Variants in SLC44A1 observed in about 807,000 individuals in gnomAD.
SLC44A1 encodes solute carrier family 44 member 1.
Under a neutral mutation model 79.3 loss-of-function variants are expected in SLC44A1, and 26 were observed. That is an observed-to-expected ratio of 0.33 (90% CI 0.24 to 0.46). The LOEUF (loss-of-function observed/expected upper bound fraction) is 0.46. Ranked by LOEUF, SLC44A1 falls within the 20% of genes least tolerant of loss-of-function variation. SLC44A1 has a pLI of 1.00. For missense variants in SLC44A1, 688 were observed against 798.1 expected, an observed-to-expected ratio of 0.86 and a Z score of 1.66; for synonymous variants, 263 against 286.2, an observed-to-expected ratio of 0.92 and a Z score of 0.82.
chr9:105,392,991 G>C lies in SLC44A1; in HGVS notation c.*3935G>C. 1.0e-6 allele frequency: 1 copy of C among 984,842 alleles called. No homozygotes were observed. Among genetic ancestry groups the C allele is most frequent in the Non-Finnish European group, 1.2e-6 (1 of 829,508 alleles). 61.0% of individuals were successfully genotyped at this position (984,842 alleles called of 1,614,324 possible). A position where few individuals can be genotyped will look rare whatever the true frequency, so the allele number is the denominator to read the frequency against. On this transcript the variant is annotated 3_prime_UTR_variant, in exon 16 of 16. Transcript: ENST00000374720. ...ACAACAACAACAAATAAAACTCTCAGAGTCTGGAGGCTTATCAGTGCACCT... is the reference window on the plus strand; with the variant it reads ...ACAACAACAACAAATAAAACTCTCACAGTCTGGAGGCTTATCAGTGCACCT...
chr9:105,258,372 C>A lies in SLC44A1; in HGVS notation c.36+13468C>A, dbSNP rs75849969. Among the ~76,000 whole-genome samples the A allele has an allele frequency of 1.5e-3, 236 of 152,310 alleles. 1 individual carries two copies. The highest frequency in any genetic ancestry group is 0.011 in the Admixed American group (168 of 15,298). On this transcript the variant is annotated intron_variant, in intron 1 of 15. Transcript: ENST00000374720. The stretch of plus-strand genomic sequence containing the variant: ...AGAATATAGAGAACACCAGTCATTG[C>A]TGGGGATTTACTGTGTGGTAGCCTC...
At chr9:105,366,857 C>T (rs1187129757) in intron 12 of SLC44A1, among the ~76,000 whole-genome samples, 1 of 151,826 alleles carries the variant, frequency 6.6e-6, no homozygotes. Flanking sequence ...TTGAAAACTT[C>T]AGTGTAAAGC....
intron 5 of SLC44A1, among the ~76,000 whole-genome samples, chr9:105,354,004 T>A (rs953342785): frequency 6.9e-6 from 1 of 144,098 alleles, no homozygotes; most frequent in Non-Finnish European, 1.5e-5. Flanking sequence ...CTGTCACACA[T>A]CAGCTTCTAT....
At position 105,364,003 on chromosome 9, in the gene SLC44A1, T is replaced by G. The variant is rs546508018; in HGVS notation, c.1088-552T>G. Among the ~76,000 whole-genome samples the G allele has an allele frequency of 3.9e-5, 6 of 152,354 alleles. No individual in the cohort carries two copies. In the East Asian group the frequency reaches 7.7e-4, roughly 20 times the overall value. On this transcript the variant is annotated intron_variant, in intron 9 of 15. Coordinates refer to ENST00000374720, the MANE Select transcript of SLC44A1 (RefSeq NM_080546.5). Reference sequence around the variant, plus strand: ...GGGATTTTCTGGTTTCGAAATGATCTGACCCTAGCTAGAGCTCCAACTGAT... The same window carrying G: ...GGGATTTTCTGGTTTCGAAATGATCGGACCCTAGCTAGAGCTCCAACTGAT...
At chr9:105,330,129 G>C (rs1252341102) in intron 3 of SLC44A1, among the ~76,000 whole-genome samples, 3 of 152,122 alleles carry the variant, frequency 2.0e-5, no homozygotes, top group Non-Finnish European at 4.4e-5. Context: ...TTTAATTCCT[G>C]TCACGTGAGT....
At chr9:105,428,133 G>A (rs935520977) in intron 15 of SLC44A1, among the ~76,000 whole-genome samples, 21 of 151,904 alleles carry the variant, frequency 1.4e-4, no homozygotes, top group South Asian at 1.0e-3. Flanking sequence ...TAATCTATAC[G>A]ATGTAAATTT....
chr9:105,309,280 G>T (rs899024551), intron 2 of SLC44A1, among the ~76,000 whole-genome samples: 1 of 152,078 alleles, frequency 6.6e-6, no homozygotes. Context: ...AGGGAAGCTG[G>T]GTTTGATTCT....
chr9:105,420,585 G>A (rs1829233402), intron 15 of SLC44A1, among the ~76,000 whole-genome samples: 1 of 152,064 alleles, frequency 6.6e-6, no homozygotes, highest in African/African-American at 2.4e-5. Flanking sequence ...TTCTAGGCCG[G>A]GTATGGTGGC....
At chr9:105,433,094 A>C (rs1829418554) in intron 15 of SLC44A1, among the ~76,000 whole-genome samples, 1 of 152,098 alleles carries the variant, frequency 6.6e-6, no homozygotes, top group Non-Finnish European at 1.5e-5. Flanking sequence ...CCAGGAGTTC[A>C]AGACCAGCCT....
At chr9:105,336,637 C>T (rs1326604673) in intron 4 of SLC44A1, among the ~76,000 whole-genome samples, 2 of 152,194 alleles carry the variant, frequency 1.3e-5, no homozygotes, top group South Asian at 2.1e-4. Context: ...CAAGGAACGA[C>T]CCAGGTATCC....
In SLC44A1 at chr9:105,275,201, G is replaced by A. The variant is rs114899914; in HGVS notation, c.37-24019G>A. On this transcript the variant is annotated intron_variant, in intron 1 of 15. Coordinates refer to ENST00000374720, the MANE Select transcript of SLC44A1 (RefSeq NM_080546.5). ...AACTATACAACCGTAGCATGTATTAGGGAGGCCTATCTCAATTTGTTGTAA... is the reference window on the plus strand; with the variant it reads ...AACTATACAACCGTAGCATGTATTAAGGAGGCCTATCTCAATTTGTTGTAA... Among the ~76,000 whole-genome samples the A allele has an allele frequency of 6.0e-3, 913 of 152,272 alleles. 11 individuals are homozygous for A. The highest frequency in any genetic ancestry group is 0.02 in the African/African-American group (824 of 41,554).
chr9:105,368,684 C>T (rs970383603), intron 12 of SLC44A1, among the ~76,000 whole-genome samples: 8 of 152,014 alleles, frequency 5.3e-5, no homozygotes, highest in Admixed American at 1.3e-4. Context: ...ATAGAAAATA[C>T]GCACACATCT....
rs547796031 is a variant in SLC44A1 at position 105,249,060 on chromosome 9, G to A, written c.36+4156G>A. Among the ~76,000 whole-genome samples the A allele has an allele frequency of 3.3e-5, 5 of 152,236 alleles. No individual in the cohort carries two copies. The South Asian group carries it at 6.2e-4, about 19-fold the overall frequency. Reference sequence around the variant, plus strand: ...AATCTTTCAAGTTGAACAAACTGCCGCTTGTCTGTCTAGCGTTAGGAGACA... The same window carrying A: ...AATCTTTCAAGTTGAACAAACTGCCACTTGTCTGTCTAGCGTTAGGAGACA... On this transcript the variant is annotated intron_variant, in intron 1 of 15. Transcript: ENST00000374720.
At chr9:105,323,349 A>AT (rs1407172545) in intron 3 of SLC44A1, among the ~76,000 whole-genome samples, 1 of 152,108 alleles carries the variant, frequency 6.6e-6, no homozygotes, top group Non-Finnish European at 1.5e-5. Context: ...GATAGGTAAG[A>AT]TTTTTCATGC....
chr9:105,367,990 A>G (rs919652521), intron 12 of SLC44A1, among the ~76,000 whole-genome samples: 1 of 152,198 alleles, frequency 6.6e-6, no homozygotes, highest in African/African-American at 2.4e-5. Flanking sequence ...TGTTAATTAT[A>G]TTAGTGAATA....
intron 15 of SLC44A1, among the ~76,000 whole-genome samples, chr9:105,432,534 C>T (rs1028378255): frequency 2.0e-5 from 3 of 152,198 alleles, no homozygotes; most frequent in African/African-American, 7.2e-5. Flanking sequence ...GGCCTGGAAG[C>T]TTCATCCTTC....
At chr9:105,271,635 A>G (rs1051779979) in intron 1 of SLC44A1, among the ~76,000 whole-genome samples, 3 of 151,952 alleles carry the variant, frequency 2.0e-5, no homozygotes, top group African/African-American at 7.3e-5. Context: ...TTTCTTTCAG[A>G]CAGAGTCTCA....
At chr9:105,405,736 GA>G (rs1274239245) in intron 15 of SLC44A1, among the ~76,000 whole-genome samples, 3 of 152,164 alleles carry the variant, frequency 2.0e-5, no homozygotes, top group African/African-American at 7.2e-5. Context: ...ACATGCCTCA[GA>G]AGCTTCTTAG....
chr9:105,339,444 T>C (rs1394630730), intron 4 of SLC44A1, among the ~76,000 whole-genome samples: 1 of 152,204 alleles, frequency 6.6e-6, no homozygotes, highest in Admixed American at 6.5e-5. Context: ...CTTAAAGAGA[T>C]ATTTGCACAA....
Sources: allele counts gnomAD v4.1 joint callset (sites outside exome capture counted in the v4.1 genomes callset), GRCh38; gene constraint gnomAD v4.1.1; transcripts MANE v1.5; gene names NCBI Gene and HGNC (gene_info 2026-07-23, HGNC 2026-07-21).